WDR27: variants seen among roughly 807,000 people sequenced by gnomAD.
WDR27 encodes WD repeat domain 27, also known as WD repeat-containing protein 27.
Under a neutral mutation model 114.4 loss-of-function variants are expected in WDR27, and 100 were observed. That is an observed-to-expected ratio of 0.87 (90% CI 0.74 to 1.03). The LOEUF is 1.03. Among genes scored for constraint, WDR27 ranks in the 50% least tolerant of loss-of-function variants. The pLI is 0.00. For missense variants in WDR27, 1,129 were observed against 1,092.9 expected, an observed-to-expected ratio of 1.03 and a Z score of -0.47; for synonymous variants, 449 against 423.1, an observed-to-expected ratio of 1.06 and a Z score of -0.75.
At chr6:169,536,498 T>A (rs1329904679) in intron 25 of WDR27, among the ~76,000 whole-genome samples, 1 of 152,212 alleles carries the variant, frequency 6.6e-6, no homozygotes, top group Non-Finnish European at 1.5e-5. Flanking sequence ...AGTGCAGAAC[T>A]AATGAAACTG....
intron 25 of WDR27, among the ~76,000 whole-genome samples, chr6:169,457,972 A>ATGGAGGAGGAGG (rs1184467150): frequency 2.4e-4 from 6 of 24,746 alleles, no homozygotes; most frequent in South Asian, 1.3e-3. Context: ...AGCACTCCTG[A>ATGGAGGAGGAGG]CGGAGGAGGA....
chr6:169,465,254 ATC>A (rs1448512259), intron 25 of WDR27, among the ~76,000 whole-genome samples: 3 of 89,722 alleles, frequency 3.3e-5, no homozygotes, highest in African/African-American at 1.6e-4. Context: ...GCAAAACTCC[ATC>A]TCAAAAAAAA....
In WDR27 at chr6:169,544,219, T is replaced by G. The variant is rs146204281; in HGVS notation, c.2645+28200A>C. Among the ~76,000 whole-genome samples the G allele has an allele frequency of 7.1e-3, 1,085 of 152,152 alleles. 24 individuals are homozygous for G. The highest frequency in any genetic ancestry group is 0.025 in the African/African-American group (1,051 of 41,502). ...TCTACTCTCACACTCTCAGTCCACA[T>G]AGTGCTCTAAGGTATAGCGACTGAG... On this transcript the variant is annotated intron_variant, in intron 25 of 25. Coordinates refer to ENST00000448612, the MANE Select transcript of WDR27 (RefSeq NM_182552.5).
At chr6:169,440,951 A>G in the WDR27 span, among the ~76,000 whole-genome samples, 5 of 152,070 alleles carry the variant, frequency 3.3e-5, no homozygotes, top group African/African-American at 7.2e-5. Context: ...CCTTTGTACA[A>G]ATTAAATTTA....
At chr6:169,426,617 G>GAC in the WDR27 span, 1 of 152,188 alleles carries the variant, frequency 6.6e-6, no homozygotes. Flanking sequence ...AGCTCGCCGT[G>GAC]ACACAGCCAC....
intron 3 of WDR27, chr6:169,671,122 A>C (rs4716375): frequency 0.17 from 25,850 of 156,568 alleles, 2,748 homozygotes; most frequent in East Asian, 0.3. Context: ...ATGACAGGAC[A>C]CCCACAAGCA....
intron 25 of WDR27, among the ~76,000 whole-genome samples, chr6:169,492,430 T>C (rs1041893957): frequency 7.2e-5 from 11 of 152,158 alleles, no homozygotes; most frequent in African/African-American, 2.7e-4. Context: ...AAAGGCAATT[T>C]TGAAGAAACA....
chr6:169,520,370 CA>C (rs2128063238), intron 25 of WDR27, among the ~76,000 whole-genome samples: 1 of 151,954 alleles, frequency 6.6e-6, no homozygotes, highest in African/African-American at 2.4e-5. Flanking sequence ...TTGTTTTTAA[CA>C]AAAAGAAAAT....
intron 23 of WDR27, among the ~76,000 whole-genome samples, chr6:169,598,871 A>G (rs1468355275): frequency 6.6e-6 from 1 of 152,236 alleles, no homozygotes; most frequent in Non-Finnish European, 1.5e-5. Flanking sequence ...TAGAATTTAA[A>G]AATGCAGGTT....
intron 25 of WDR27, among the ~76,000 whole-genome samples, chr6:169,570,146 G>C (rs2128125999): frequency 6.6e-6 from 1 of 152,256 alleles, no homozygotes; most frequent in South Asian, 2.1e-4. Context: ...TGCGCTTGAT[G>C]CTGGTCCCAC....
chr6:169,484,475 A>T lies in WDR27; in HGVS notation c.2646-26841T>A, dbSNP rs540038037. Among the ~76,000 whole-genome samples, 3 of 152,314 alleles carry T rather than the reference A, an allele frequency of 2.0e-5. No individual in the cohort carries two copies. In the South Asian group the frequency reaches 6.2e-4, roughly 32 times the overall value. ...AAATACAACTAACCAGGGAGGTGAA[A>T]GACATCTACAATGAGAATTACAACT... is the stretch of plus-strand genomic sequence containing the variant. On this transcript the variant is annotated intron_variant, in intron 25 of 25. Transcript: ENST00000448612.
At chr6:169,541,568 T>A (rs1239128355) in intron 25 of WDR27, among the ~76,000 whole-genome samples, 1 of 152,216 alleles carries the variant, frequency 6.6e-6, no homozygotes, top group African/African-American at 2.4e-5. Flanking sequence ...AGCTTTAACC[T>A]GCAGGAACTT....
intron 25 of WDR27, among the ~76,000 whole-genome samples, chr6:169,530,098 A>AT (rs1795411318): frequency 6.6e-6 from 1 of 152,268 alleles, no homozygotes; most frequent in Non-Finnish European, 1.5e-5. Flanking sequence ...TGGAAGCCAC[A>AT]GCAATGAGTG....
chr6:169,555,040 G>A (rs1003948394), intron 25 of WDR27, among the ~76,000 whole-genome samples: 2 of 152,130 alleles, frequency 1.3e-5, no homozygotes, highest in Non-Finnish European at 2.9e-5. Context: ...AGCATTCACT[G>A]AGCATCTGAT....
At position 169,670,681 on chromosome 6, in the gene WDR27, C is replaced by T. The variant is rs371247952; in HGVS notation, c.344G>A (p.Arg115Gln). Residue 115 changes from arginine (R) to glutamine (Q), a missense_variant, in exon 4 of 26, where the codon CGA (arginine) becomes CAA (glutamine). Coordinates refer to ENST00000448612, the MANE Select transcript of WDR27 (RefSeq NM_182552.5). Reference protein sequence around the residue: ...REKVLQGLVPRGTVMGSLLGK... With the variant: ...REKVLQGLVPQGTVMGSLLGK... ...CAAAAGCGAGCCCATGACAGTCCCT[C>T]GAGGGACCAGCCCTAGAGTGAGTTT... 4.2e-5 allele frequency: 67 copies of T among 1,613,836 alleles called. No individual in the cohort carries two copies. The highest frequency in any genetic ancestry group is 4.7e-5 in the Non-Finnish European group (56 of 1,179,900).
At chr6:169,444,145 G>A in the WDR27 span, among the ~76,000 whole-genome samples, 1 of 152,112 alleles carries the variant, frequency 6.6e-6, no homozygotes, top group Admixed American at 6.5e-5. Context: ...CACAAGCACA[G>A]GTGCTCTGCC....
Position 169,505,587 on chromosome 6 carries a change from T to C in WDR27, c.2646-47953A>G, listed in dbSNP as rs866531949. Among the ~76,000 whole-genome samples the C allele has an allele frequency of 3.3e-5, 5 of 152,200 alleles. 1 individual carries two copies. The highest frequency in any genetic ancestry group is 6.3e-3 in the Middle Eastern group (2 of 316). ...TGATAGCATTCCTATACTCCAAGAA[T>C]AGTCCTCAGACCAGAAACAATTGCC... is the stretch of plus-strand genomic sequence containing the variant. On this transcript the variant is annotated intron_variant, in intron 25 of 25. Transcript: ENST00000448612.
intron 25 of WDR27, among the ~76,000 whole-genome samples, chr6:169,472,300 G>A (rs1786528396): frequency 6.6e-6 from 1 of 152,172 alleles, no homozygotes. Context: ...GAGAAGACTT[G>A]CAGAGCCATT....
intron 2 of WDR27, among the ~76,000 whole-genome samples, chr6:169,676,416 T>C (rs1172120438): frequency 6.6e-6 from 1 of 152,184 alleles, no homozygotes; most frequent in African/African-American, 2.4e-5. Context: ...AAGAAGGGAA[T>C]TAAAATATGT....
Sources: gnomAD v4.1 joint callset for allele counts (sites outside exome capture counted in the v4.1 genomes callset) on GRCh38, gnomAD v4.1.1 for gene constraint, MANE v1.5 for transcripts, NCBI Gene and HGNC (gene_info 2026-07-23, HGNC 2026-07-21) for gene names.